Variants in BNIP1 observed in about 807,000 individuals in gnomAD.
BNIP1 encodes BCL2 interacting protein 1, also known as vesicle transport protein SEC20.
Under a neutral mutation model 28.5 loss-of-function variants are expected in BNIP1, and 25 were observed. That is an observed-to-expected ratio of 0.88 (90% CI 0.64 to 1.23). The LOEUF is 1.23. Among genes scored for constraint, BNIP1 ranks in the 50% most tolerant of loss-of-function variants. The pLI, the probability that BNIP1 is intolerant of heterozygous loss-of-function variation, is 0.00. For synonymous variants in BNIP1, 118 were observed against 101.7 expected (o/e 1.16, Z -0.96); for missense variants, 276 against 277.0 (o/e 1.00, Z 0.02).
chr5:173,159,196 C>T (rs1355607047), intron 4 of BNIP1, among the ~76,000 whole-genome samples: 1 of 152,066 alleles, frequency 6.6e-6, no homozygotes, highest in Non-Finnish European at 1.5e-5. Context: ...TGCCACTGCA[C>T]CCAGCTAATT....
chr5:173,155,876 TG>T (rs1760172562), intron 3 of BNIP1, among the ~76,000 whole-genome samples: 6 of 151,888 alleles, frequency 4.0e-5, no homozygotes, highest in Admixed American at 3.9e-4. Context: ...CCACCGTGCC[TG>T]GCTAAATCAT....
intron 3 of BNIP1, 118 bp downstream of exon 3, chr5:173,154,531 T>G (rs1308985183): frequency 2.5e-5 from 20 of 796,614 alleles, no homozygotes; most frequent in Non-Finnish European, 1.6e-5. Flanking sequence ...TGTCTTTTTT[T>G]TTTTTTTGAG....
intron 2 of BNIP1, among the ~76,000 whole-genome samples, chr5:173,153,372 T>C (rs982409563): frequency 3.3e-5 from 5 of 151,664 alleles, no homozygotes; most frequent in Non-Finnish European, 5.9e-5. Context: ...GGACTACAGG[T>C]GCCCGCCACC....
At chr5:173,151,419 G>A in intron 2 of BNIP1, 1 of 799,338 alleles carries the variant, frequency 1.3e-6, no homozygotes, top group African/African-American at 1.7e-5. Context: ...ACAGGGTTTT[G>A]CCATGTTGCT....
intron 2 of BNIP1, 30 bp downstream of exon 2, chr5:173,146,988 G>T: frequency 1.9e-6 from 3 of 1,563,368 alleles, no homozygotes; most frequent in East Asian, 2.2e-5. Context: ...TCAATGAAGG[G>T]GGCTCTGTCC....
At chr5:173,145,388 C>A (rs1268627410) in intron 1 of BNIP1, among the ~76,000 whole-genome samples, 1 of 152,098 alleles carries the variant, frequency 6.6e-6, no homozygotes, top group Non-Finnish European at 1.5e-5. Flanking sequence ...GAGTTTTAAA[C>A]CTTGTTTTTG....
At chr5:173,155,553 C>G (rs1311604296) in intron 3 of BNIP1, among the ~76,000 whole-genome samples, 14 of 152,058 alleles carry the variant, frequency 9.2e-5, no homozygotes, top group Admixed American at 9.2e-4. Flanking sequence ...CAAAAATTAG[C>G]CGGGTGTGGT....
intron 1 of BNIP1, among the ~76,000 whole-genome samples, chr5:173,145,520 G>A (rs1347338187): frequency 6.6e-6 from 1 of 152,214 alleles, no homozygotes; most frequent in Non-Finnish European, 1.5e-5. Flanking sequence ...TCCTGCCTCA[G>A]CCTCCTGAGT....
intron 5 of BNIP1, chr5:173,161,529 G>A (rs5745165): frequency 0.012 from 1,777 of 152,418 alleles, 23 homozygotes; most frequent in South Asian, 0.072. Context: ...GGTGGCTTCT[G>A]GGGTGTTGAG....
intron 2 of BNIP1, among the ~76,000 whole-genome samples, chr5:173,148,449 C>T (rs1759929358): frequency 6.6e-6 from 1 of 151,960 alleles, no homozygotes; most frequent in Admixed American, 6.6e-5. Flanking sequence ...GCATGCAGCT[C>T]ATGGGTAGAG....
intron 5 of BNIP1, among the ~76,000 whole-genome samples, chr5:173,160,265 G>A (rs528385592): frequency 1.5e-4 from 21 of 143,620 alleles, no homozygotes; most frequent in East Asian, 6.0e-4. Flanking sequence ...ATGGAGTTTC[G>A]CTCTTGTTGC....
At chr5:173,155,203 C>T (rs1369857285) in intron 3 of BNIP1, among the ~76,000 whole-genome samples, 3 of 152,156 alleles carry the variant, frequency 2.0e-5, no homozygotes, top group African/African-American at 7.2e-5. Context: ...GTTGTAATTG[C>T]AGGTGTGTGC....
intron 2 of BNIP1, among the ~76,000 whole-genome samples, chr5:173,147,202 C>T (rs1561592773): frequency 6.6e-6 from 1 of 152,040 alleles, no homozygotes; most frequent in East Asian, 1.9e-4. Flanking sequence ...GTCAGGAGAT[C>T]GAGATCATCC....
chr5:173,159,293 C>G (rs1316409162), intron 4 of BNIP1, among the ~76,000 whole-genome samples: 1 of 152,176 alleles, frequency 6.6e-6, no homozygotes, highest in Admixed American at 6.5e-5. Flanking sequence ...CCCACCCCAG[C>G]CTCCCAAAGT....
intron 3 of BNIP1, among the ~76,000 whole-genome samples, chr5:173,157,738 G>C (rs1760241750): frequency 6.6e-6 from 1 of 151,996 alleles, no homozygotes; most frequent in Non-Finnish European, 1.5e-5. Context: ...CTAACTCCAG[G>C]AAGCTGTTCA....
chr5:173,160,806 C>A, intron 5 of BNIP1: 1 of 456,174 alleles, frequency 2.2e-6, no homozygotes. Context: ...TACTCCCCAA[C>A]GTTATTTTTC....
At chr5:173,152,790 T>C (rs1760059263) in intron 2 of BNIP1, among the ~76,000 whole-genome samples, 1 of 152,246 alleles carries the variant, frequency 6.6e-6, no homozygotes, top group Non-Finnish European at 1.5e-5. Context: ...AGGCATAAAT[T>C]GAAAGTCATC....
Position 173,158,734 on chromosome 5 carries a change from C to A in BNIP1, c.270-10C>A. The A allele has an allele frequency of 6.2e-7, 1 of 1,610,452 alleles. No individual in the cohort carries two copies. Among genetic ancestry groups the A allele is most frequent in the Non-Finnish European group, 8.5e-7 (1 of 1,177,320 alleles). On this transcript the variant is annotated splice_polypyrimidine_tract_variant and intron_variant, in intron 3 of 5. Coordinates refer to ENST00000351486, the MANE Select transcript of BNIP1 (RefSeq NM_001205.3). ...GTGGACACACTCACACGTGAACCTT[C>A]CAATTCCAGCAATCAGGCCTCATGG...
chr5:173,147,042 C>T (rs1759860161), intron 2 of BNIP1, 84 bp downstream of exon 2: 1 of 1,034,862 alleles, frequency 9.7e-7, no homozygotes. Context: ...TCTTCAAACA[C>T]CAGCTGATGG....
Sources: allele counts gnomAD v4.1 joint callset (sites outside exome capture counted in the v4.1 genomes callset), GRCh38; gene constraint gnomAD v4.1.1; transcripts MANE v1.5; gene names NCBI Gene and HGNC (gene_info 2026-07-23, HGNC 2026-07-21).